The following PTPRT variants were observed in gnomAD, a reference collection of about 807,000 sequenced individuals.
The protein encoded by PTPRT is protein tyrosine phosphatase receptor type T.
Under a neutral mutation model 176.8 loss-of-function variants are expected in PTPRT, and 56 were observed. The ratio of observed to expected loss-of-function variants is 0.32; its 90% CI spans 0.26 to 0.40. PTPRT has a LOEUF of 0.40. Ranked by LOEUF, PTPRT falls within the 10% of genes least tolerant of loss-of-function variation. The pLI, the probability that PTPRT is intolerant of heterozygous loss-of-function variation, is 1.00. For missense variants in PTPRT, 1,540 were observed against 1,908.2 expected (o/e 0.81, Z 3.60); for synonymous variants, 783 against 739.0 (o/e 1.06, Z -0.96).
chr20:42,260,938 C>T (rs2056737602), intron 13 of PTPRT, among the ~76,000 whole-genome samples: 1 of 152,128 alleles, frequency 6.6e-6, no homozygotes, highest in Non-Finnish European at 1.5e-5. Context: ...CAGCTCTTGG[C>T]CAAGGTTTTC....
chr20:42,949,383 A>G (rs577876015), intron 1 of PTPRT, among the ~76,000 whole-genome samples: 1 of 152,338 alleles, frequency 6.6e-6, no homozygotes, highest in South Asian at 2.1e-4. Context: ...AGGAAGCCCA[A>G]GCTAGCCACA....
the PTPRT span, among the ~76,000 whole-genome samples, chr20:42,050,481 C>T: frequency 2.0e-5 from 3 of 152,122 alleles, no homozygotes; most frequent in South Asian, 2.1e-4. Context: ...TGCTCTGAGC[C>T]GCTCTGTTCC....
chr20:42,160,789 C>G (rs1486022397), intron 17 of PTPRT, among the ~76,000 whole-genome samples: 4 of 152,058 alleles, frequency 2.6e-5, no homozygotes, highest in Non-Finnish European at 5.9e-5. Flanking sequence ...AAAGGGATGC[C>G]CAGTGCAGGG....
chr20:42,549,028 C>T (rs2072722915), intron 7 of PTPRT, among the ~76,000 whole-genome samples: 1 of 152,114 alleles, frequency 6.6e-6, no homozygotes, highest in Admixed American at 6.6e-5. Context: ...CTAGTGCAGG[C>T]ATTTTGCAAA....
intron 15 of PTPRT, among the ~76,000 whole-genome samples, chr20:42,209,907 T>C (rs1376347113): frequency 1.3e-5 from 2 of 152,134 alleles, no homozygotes; most frequent in African/African-American, 2.4e-5. Context: ...AATAAAATAC[T>C]GGCAAAACGA....
intron 1 of PTPRT, among the ~76,000 whole-genome samples, chr20:42,924,647 C>T (rs966094387): frequency 1.3e-5 from 2 of 152,222 alleles, no homozygotes; most frequent in African/African-American, 4.8e-5. Context: ...GTGCACAGAA[C>T]ATCACAGCTG....
intron 11 of PTPRT, among the ~76,000 whole-genome samples, chr20:42,331,271 T>G (rs2057960015): frequency 6.6e-6 from 1 of 152,162 alleles, no homozygotes; most frequent in African/African-American, 2.4e-5. Flanking sequence ...AGCTCCTAAC[T>G]TGGCGATTAG....
chr20:42,646,745 G>T (rs2074909497), intron 7 of PTPRT, among the ~76,000 whole-genome samples: 2 of 151,564 alleles, frequency 1.3e-5, no homozygotes, highest in African/African-American at 4.9e-5. Flanking sequence ...AAAACTAAGG[G>T]GATACTTAAC....
intron 7 of PTPRT, among the ~76,000 whole-genome samples, chr20:42,643,980 A>G (rs1361635105): frequency 6.6e-6 from 1 of 152,132 alleles, no homozygotes; most frequent in Non-Finnish European, 1.5e-5. Context: ...CTTCTAGCAA[A>G]CACAAGATCC....
the PTPRT span, among the ~76,000 whole-genome samples, chr20:42,061,158 G>A: frequency 6.6e-6 from 1 of 152,122 alleles, no homozygotes; most frequent in Non-Finnish European, 1.5e-5. Flanking sequence ...AGGTTTATTC[G>A]TCATCTGGGC....
intron 7 of PTPRT, among the ~76,000 whole-genome samples, chr20:42,653,951 C>T (rs911447203): frequency 2.6e-5 from 4 of 152,130 alleles, no homozygotes; most frequent in Non-Finnish European, 5.9e-5. Context: ...TTTGAGTCAA[C>T]ATATTGCTTT....
intron 1 of PTPRT, among the ~76,000 whole-genome samples, chr20:43,059,632 C>A (rs1316053207): frequency 1.7e-4 from 26 of 152,152 alleles, no homozygotes; most frequent in Admixed American, 1.7e-3. Context: ...GAGGTGGAGG[C>A]TTTCTCTTGA....
At chr20:42,859,190 T>C (rs2078616360) in intron 2 of PTPRT, among the ~76,000 whole-genome samples, 1 of 152,182 alleles carries the variant, frequency 6.6e-6, no homozygotes, top group Non-Finnish European at 1.5e-5. Context: ...AATGATTTCC[T>C]GGGCCAATCA....
At chr20:42,332,488 G>C (rs1051857546) in intron 11 of PTPRT, among the ~76,000 whole-genome samples, 1 of 152,146 alleles carries the variant, frequency 6.6e-6, no homozygotes, top group African/African-American at 2.4e-5. Flanking sequence ...GGGATTACAG[G>C]TGTGAGCCAC....
intron 13 of PTPRT, among the ~76,000 whole-genome samples, chr20:42,278,789 T>C (rs1316631897): frequency 6.6e-6 from 1 of 152,078 alleles, no homozygotes; most frequent in Non-Finnish European, 1.5e-5. Context: ...GTACCTCTCA[T>C]GGGAAGGGTC....
intron 1 of PTPRT, among the ~76,000 whole-genome samples, chr20:42,932,892 C>T (rs1480228184): frequency 6.6e-6 from 1 of 152,208 alleles, no homozygotes; most frequent in African/African-American, 2.4e-5. Context: ...AGTAAGTATA[C>T]TTCAGAGTGA....
At position 42,859,074 on chromosome 20, in the gene PTPRT, T is replaced by C. The variant is rs554161945; in HGVS notation, c.214+26733A>G. Among the ~76,000 whole-genome samples, 21 of 152,262 alleles carry C rather than the reference T, an allele frequency of 1.4e-4. No homozygotes were observed. The South Asian group carries it at 4.4e-3, about 32-fold the overall frequency. On this transcript the variant is annotated intron_variant, in intron 2 of 30. Transcript: ENST00000373187. ...GAGCTGCAGCGTCAGGAGAAGGGAC[T>C]CCAGTAGATAGCGTTCAAGTGGCTG...
chr20:42,690,140 T>C (rs886518597), intron 6 of PTPRT, among the ~76,000 whole-genome samples: 1 of 151,904 alleles, frequency 6.6e-6, no homozygotes, highest in South Asian at 2.1e-4. Flanking sequence ...ACGGATGGTA[T>C]ATCCTGCTGA....
intron 17 of PTPRT, among the ~76,000 whole-genome samples, chr20:42,149,016 C>T (rs1458527004): frequency 6.6e-6 from 1 of 152,322 alleles, no homozygotes; most frequent in Admixed American, 6.5e-5. Flanking sequence ...TCCTAACATC[C>T]TCTTCCTGAA....
Sources: gnomAD v4.1 joint callset for allele counts (sites outside exome capture counted in the v4.1 genomes callset) on GRCh38, gnomAD v4.1.1 for gene constraint, MANE v1.5 for transcripts, NCBI Gene and HGNC (gene_info 2026-07-23, HGNC 2026-07-21) for gene names.